The following SOX5 variants were observed in gnomAD, a reference collection of about 807,000 sequenced individuals.
The protein encoded by SOX5 is SRY-box transcription factor 5, also known as transcription factor SOX-5.
In SOX5, 9 loss-of-function variants were observed where a neutral mutation model predicts 92.0. The ratio of observed to expected loss-of-function variants is 0.10; its 90% CI spans 0.06 to 0.17. SOX5 has a LOEUF of 0.17. Ranked by LOEUF, SOX5 falls within the 10% of genes least tolerant of loss-of-function variation. The pLI is 1.00. For missense variants in SOX5, 642 were observed against 944.5 expected, an observed-to-expected ratio of 0.68 and a Z score of 4.20; for synonymous variants, 344 against 336.3, an observed-to-expected ratio of 1.02 and a Z score of -0.25.
chr12:24,443,891 A>G (rs1401935883), intron 1 of SOX5, among the ~76,000 whole-genome samples: 1 of 152,218 alleles, frequency 6.6e-6, no homozygotes, highest in East Asian at 1.9e-4. Context: ...TTTCTTGTCA[A>G]CTATGAATAA....
At chr12:23,601,520 A>G (rs1475339867) in intron 9 of SOX5, among the ~76,000 whole-genome samples, 1 of 152,184 alleles carries the variant, frequency 6.6e-6, no homozygotes, top group East Asian at 1.9e-4. Context: ...AAATAACTCT[A>G]TTTTATGGTA....
chr12:24,325,020 A>T (rs1391002227), intron 2 of SOX5, among the ~76,000 whole-genome samples: 1 of 152,184 alleles, frequency 6.6e-6, no homozygotes, highest in East Asian at 1.9e-4. Flanking sequence ...CAAACAGTTG[A>T]ATTTGGATAT....
chr12:24,270,047 A>T (rs966122150), intron 3 of SOX5, among the ~76,000 whole-genome samples: 6 of 150,644 alleles, frequency 4.0e-5, no homozygotes, highest in Non-Finnish European at 8.9e-5. Flanking sequence ...ATTTTTGTTC[A>T]TTTCTAATGT....
chr12:23,563,187 TA>T (rs886844793), intron 11 of SOX5, 70 bp downstream of exon 11: 10 of 1,237,404 alleles, frequency 8.1e-6, no homozygotes, highest in African/African-American at 6.1e-5. Context: ...GATGGAAATA[TA>T]TTTTTTTTAA....
chr12:23,649,499 C>A (rs911849157), intron 7 of SOX5, among the ~76,000 whole-genome samples: 13 of 152,070 alleles, frequency 8.5e-5, no homozygotes, highest in African/African-American at 3.1e-4. Context: ...GTAATTTCTT[C>A]TACTCTTCCC....
upstream of SOX5, among the ~76,000 whole-genome samples, chr12:23,951,741 A>C (rs1945675121): frequency 6.6e-6 from 1 of 152,068 alleles, no homozygotes; most frequent in Admixed American, 6.6e-5. Context: ...TAGAACTATG[A>C]CCCACCCTGA....
intron 4 of SOX5, among the ~76,000 whole-genome samples, chr12:23,981,245 T>A (rs969324808): frequency 6.6e-6 from 1 of 152,132 alleles, no homozygotes; most frequent in Non-Finnish European, 1.5e-5. Context: ...AGCCTTCATT[T>A]AGGGATTTTA....
chr12:23,991,706 C>G (rs1002740039), intron 4 of SOX5, among the ~76,000 whole-genome samples: 1 of 149,842 alleles, frequency 6.7e-6, no homozygotes, highest in Admixed American at 6.7e-5. Flanking sequence ...ATTAAAAGAA[C>G]ACAGTGAATC....
chr12:24,015,834 G>A (rs749196379), intron 4 of SOX5, among the ~76,000 whole-genome samples: 1 of 151,982 alleles, frequency 6.6e-6, no homozygotes, highest in Non-Finnish European at 1.5e-5. Flanking sequence ...GTTTTCATGT[G>A]GTGGTTAGCT....
chr12:23,704,218 T>G (rs1469633198), intron 6 of SOX5, among the ~76,000 whole-genome samples: 1 of 151,930 alleles, frequency 6.6e-6, no homozygotes, highest in Admixed American at 6.6e-5. Flanking sequence ...ATGCTTTCAT[T>G]TACATTATTT....
intron 1 of SOX5, among the ~76,000 whole-genome samples, chr12:24,407,311 A>T (rs990875957): frequency 2.0e-5 from 3 of 152,188 alleles, no homozygotes; most frequent in African/African-American, 7.2e-5. Flanking sequence ...ACAGCCAAAG[A>T]ACTGGGATCC....
In SOX5 at chr12:24,195,952, T is replaced by C. The variant is rs1956971527; in HGVS notation, c.-2+17391A>G. 2.0e-5 allele frequency among the ~76,000 whole-genome samples: 3 copies of C among 152,242 alleles called. No individual in the cohort carries two copies. In the South Asian group the frequency reaches 6.2e-4, roughly 31 times the overall value. ...CAGGCTGGAGTGCAGTGGAGTTATC[T>C]TGGCTCACTGCAACCTCTGCCTCCC... On this transcript the variant is annotated intron_variant, in intron 4 of 4. Coordinates refer to the SOX5 transcript ENST00000446891.
At chr12:24,074,993 G>C (rs1159890375) in intron 4 of SOX5, among the ~76,000 whole-genome samples, 3 of 151,420 alleles carry the variant, frequency 2.0e-5, no homozygotes, top group Non-Finnish European at 4.4e-5. Flanking sequence ...CAGGCATGGT[G>C]GCTCACCCCT....
intron 8 of SOX5, among the ~76,000 whole-genome samples, chr12:23,627,583 C>T (rs1686072710): frequency 6.6e-6 from 1 of 151,972 alleles, no homozygotes; most frequent in South Asian, 2.1e-4. Context: ...CTGAGTATTT[C>T]GTGTGTGCCA....
intron 7 of SOX5, among the ~76,000 whole-genome samples, chr12:23,658,258 C>T (rs756055819): frequency 6.6e-6 from 1 of 152,152 alleles, no homozygotes. Flanking sequence ...ATGTCAACTC[C>T]ATTTTCAATC....
intron 4 of SOX5, among the ~76,000 whole-genome samples, chr12:24,008,694 G>T (rs114921023): frequency 1.2e-4 from 19 of 152,084 alleles, no homozygotes; most frequent in African/African-American, 4.1e-4. Flanking sequence ...TGAATAACTT[G>T]CAGGTAAATT....
chr12:24,423,893 A>G (rs140349547), intron 1 of SOX5, among the ~76,000 whole-genome samples: 18 of 152,324 alleles, frequency 1.2e-4, no homozygotes, highest in African/African-American at 4.3e-4. Context: ...ACCACTGGAC[A>G]CTGCGCAGCA....
chr12:23,710,995 A>G (rs978900177), intron 6 of SOX5, among the ~76,000 whole-genome samples: 1 of 152,146 alleles, frequency 6.6e-6, no homozygotes, highest in African/African-American at 2.4e-5. Flanking sequence ...GACTTTAAAA[A>G]CATCACCTTC....
intron 1 of SOX5, among the ~76,000 whole-genome samples, chr12:24,529,137 T>A (rs1950955698): frequency 1.3e-5 from 2 of 152,198 alleles, no homozygotes; most frequent in Admixed American, 6.5e-5. Context: ...TCTGTCCTTA[T>A]CACTTCACTT....
Sources: allele counts gnomAD v4.1 joint callset (sites outside exome capture counted in the v4.1 genomes callset), GRCh38; gene constraint gnomAD v4.1.1; transcripts MANE v1.5; gene names NCBI Gene and HGNC (gene_info 2026-07-23, HGNC 2026-07-21).